The following SCAPER variants were observed in gnomAD, a reference collection of about 807,000 sequenced individuals.
SCAPER encodes the protein S phase cyclin A-associated protein in the endoplasmic reticulum.
A neutral mutation model predicts 182.2 loss-of-function variants in SCAPER; 98 were observed. That is an observed-to-expected ratio of 0.54 (90% confidence interval 0.46 to 0.64). The LOEUF is 0.64. Ranked by LOEUF, SCAPER falls within the 30% of genes least tolerant of loss-of-function variation. The pLI is 0.00. For missense variants in SCAPER, 1,432 were observed against 1,690.0 expected (o/e 0.85, Z 2.68); for synonymous variants, 605 against 564.6 (o/e 1.07, Z -1.01).
intron 17 of SCAPER, among the ~76,000 whole-genome samples, chr15:76,721,446 T>C (rs369972015): frequency 0.087 from 13,165 of 151,762 alleles, 681 homozygotes; most frequent in African/African-American, 0.13. Context: ...AAAGTAGTTT[T>C]TTCCAATTCT....
chr15:76,824,791 C>A (rs1357403229), intron 5 of SCAPER, among the ~76,000 whole-genome samples: 1 of 151,976 alleles, frequency 6.6e-6, no homozygotes, highest in African/African-American at 2.4e-5. Flanking sequence ...ATATCTTCAC[C>A]AACCAAAACC....
intron 26 of SCAPER, among the ~76,000 whole-genome samples, chr15:76,406,674 T>A (rs2142167974): frequency 6.6e-6 from 1 of 151,896 alleles, no homozygotes; most frequent in Non-Finnish European, 1.5e-5. Context: ...AAAGAAAGTG[T>A]TTTATCTTAA....
chr15:76,475,675 T>C (rs1324779012), intron 24 of SCAPER, among the ~76,000 whole-genome samples: 1 of 152,158 alleles, frequency 6.6e-6, no homozygotes, highest in Non-Finnish European at 1.5e-5. Context: ...ACTCAGAAGC[T>C]TGAACCAAAG....
intron 10 of SCAPER, among the ~76,000 whole-genome samples, chr15:76,771,184 G>C (rs1448972613): frequency 7.9e-5 from 12 of 152,052 alleles, no homozygotes; most frequent in African/African-American, 2.7e-4. Context: ...CCCAGGTCAA[G>C]TATCCTAATA....
chr15:76,558,198 C>G (rs2046331113), intron 23 of SCAPER, among the ~76,000 whole-genome samples: 2 of 151,988 alleles, frequency 1.3e-5, no homozygotes, highest in Non-Finnish European at 2.9e-5. Flanking sequence ...AAACTATGAA[C>G]AGAGTAAAAA....
chr15:76,614,545 T>C (rs955512298), intron 22 of SCAPER, among the ~76,000 whole-genome samples: 2 of 152,092 alleles, frequency 1.3e-5, no homozygotes, highest in African/African-American at 4.8e-5. Context: ...ATTCACAAAT[T>C]TGTGAAAAAT....
At chr15:76,372,331 T>C (rs951053343) in intron 29 of SCAPER, among the ~76,000 whole-genome samples, 3 of 152,202 alleles carry the variant, frequency 2.0e-5, no homozygotes, top group African/African-American at 7.2e-5. Context: ...CAGTGCTCTC[T>C]CCACCCATTT....
At chr15:76,465,136 C>T (rs896872447) in intron 25 of SCAPER, among the ~76,000 whole-genome samples, 12 of 152,104 alleles carry the variant, frequency 7.9e-5, no homozygotes, top group African/African-American at 2.9e-4. Flanking sequence ...TAACGTCTGA[C>T]TTATTCCATT....
intron 17 of SCAPER, among the ~76,000 whole-genome samples, chr15:76,722,482 C>G (rs147047918): frequency 0.16 from 23,814 of 152,042 alleles, 2,126 homozygotes; most frequent in African/African-American, 0.25. Flanking sequence ...CTATTGATTG[C>G]AATAGTTTCA....
chr15:76,871,136 G>A (rs766261538), intron 2 of SCAPER, among the ~76,000 whole-genome samples: 4 of 152,082 alleles, frequency 2.6e-5, no homozygotes, highest in South Asian at 2.1e-4. Flanking sequence ...AGGGACAGGC[G>A]CCGTGCCTCA....
chr15:76,565,425 A>G (rs1419085267), intron 23 of SCAPER, among the ~76,000 whole-genome samples: 3 of 152,188 alleles, frequency 2.0e-5, no homozygotes, highest in African/African-American at 7.2e-5. Context: ...CATTTTTTAA[A>G]AAGTTCCACA....
intron 2 of SCAPER, among the ~76,000 whole-genome samples, chr15:76,870,232 T>C (rs951875723): frequency 6.6e-6 from 1 of 152,108 alleles, no homozygotes; most frequent in Non-Finnish European, 1.5e-5. Flanking sequence ...CTTTTCAAAA[T>C]AGCTAGAAAA....
intron 15 of SCAPER, among the ~76,000 whole-genome samples, chr15:76,740,945 G>C (rs2061508249): frequency 6.6e-6 from 1 of 151,828 alleles, no homozygotes; most frequent in African/African-American, 2.4e-5. Context: ...TTTTAGCAAG[G>C]GTTCCCTAAA....
At chr15:76,883,231 A>G (rs941907040) in intron 2 of SCAPER, among the ~76,000 whole-genome samples, 4 of 152,222 alleles carry the variant, frequency 2.6e-5, no homozygotes, top group Non-Finnish European at 4.4e-5. Flanking sequence ...CAACTATCCC[A>G]AAGGAATTAT....
intron 1 of SCAPER, among the ~76,000 whole-genome samples, chr15:76,889,377 G>C (rs1377660222): frequency 1.3e-5 from 2 of 152,108 alleles, no homozygotes; most frequent in African/African-American, 4.8e-5. Flanking sequence ...GACACAGACT[G>C]GCAAATTGGA....
chr15:76,634,897 G>A (rs2053465179), intron 21 of SCAPER, among the ~76,000 whole-genome samples: 1 of 151,880 alleles, frequency 6.6e-6, no homozygotes, highest in Admixed American at 6.6e-5. Context: ...TGTAAGTACA[G>A]TAAGTCCTCA....
At chr15:76,436,868 C>G (rs999386590) in intron 25 of SCAPER, among the ~76,000 whole-genome samples, 12 of 152,188 alleles carry the variant, frequency 7.9e-5, no homozygotes, top group Non-Finnish European at 1.3e-4. Context: ...GAGATCCCAG[C>G]TTTTAATATT....
chr15:76,598,614 T>G (rs144197777), intron 22 of SCAPER, among the ~76,000 whole-genome samples: 5,960 of 121,148 alleles, frequency 0.049, 1,850 homozygotes, highest in Non-Finnish European at 0.08. Flanking sequence ...TGGAATACTA[T>G]ATAGCCATAA....
At chr15:76,425,978 C>A (rs1464591529) in intron 26 of SCAPER, among the ~76,000 whole-genome samples, 1 of 152,164 alleles carries the variant, frequency 6.6e-6, no homozygotes, top group Non-Finnish European at 1.5e-5. Context: ...CTGGAAGCTT[C>A]GTCTCAGAGA....
Sources: gnomAD v4.1 joint callset for allele counts (sites outside exome capture counted in the v4.1 genomes callset) on GRCh38, gnomAD v4.1.1 for gene constraint, MANE v1.5 for transcripts, NCBI Gene and HGNC (gene_info 2026-07-23, HGNC 2026-07-21) for gene names.